IL26: variants seen among roughly 807,000 people sequenced by gnomAD.
The protein encoded by IL26 is interleukin 26, also known as interleukin-26.
A neutral mutation model predicts 21.7 loss-of-function variants in IL26; 23 were observed. The observed-to-expected ratio is 1.06, with a 90% CI of 0.76 to 1.50. The LOEUF (loss-of-function observed/expected upper bound fraction) is 1.50. Among genes scored for constraint, IL26 ranks in the 40% most tolerant of loss-of-function variants. The probability of loss-of-function intolerance (pLI) is 0.00; values close to 1 mark genes in which losing one functional copy is unlikely to be tolerated. For synonymous variants in IL26, 63 were observed against 67.8 expected, an observed-to-expected ratio of 0.93 and a Z score of 0.34; for missense variants, 204 against 196.0, an observed-to-expected ratio of 1.04 and a Z score of -0.24.
chr12:68,217,459 T>C (rs1429912162), intron 3 of IL26, among the ~76,000 whole-genome samples: 1 of 152,206 alleles, frequency 6.6e-6, no homozygotes, highest in African/African-American at 2.4e-5. Context: ...CAACCACTTA[T>C]GTTGAAAGCT....
chr12:68,222,981 CAT>C (rs1284312461), intron 3 of IL26, among the ~76,000 whole-genome samples: 1 of 152,038 alleles, frequency 6.6e-6, no homozygotes, highest in Non-Finnish European at 1.5e-5. Context: ...TTCAGAGATT[CAT>C]AGAGTAGGTG....
chr12:68,202,119 G>A, intron 3 of IL26, 36 bp from the exon 4 acceptor site: 1 of 1,322,716 alleles, frequency 7.6e-7, no homozygotes, highest in South Asian at 1.3e-5. Context: ...TAATATTGTT[G>A]AAGAGGCATT....
intron 3 of IL26, among the ~76,000 whole-genome samples, chr12:68,224,795 A>G (rs1869189106): frequency 6.6e-6 from 1 of 151,128 alleles, no homozygotes; most frequent in Non-Finnish European, 1.5e-5. Context: ...GACTTAGAAT[A>G]GTGTTTGGCA....
rs773889738 is a variant in IL26, at chr12:68,225,218, T to C, written c.294A>G (p.Gln98=). The change falls in exon 3 of 5, where the codon CAA becomes CAG. Residue 98 remains glutamine, a synonymous_variant. Transcript: ENST00000229134. ...AGCGTATTTTCTTGCAGCCTTGCAA[T>C]TGCAGTTGACCAAAAACGTCTTCCA... ...FFMEDVFGQL[Q]LQGCKKIRFV... is the part of the protein sequence containing the mutation. 16 of 1,613,728 alleles carry C rather than the reference T, an allele frequency of 9.9e-6. No homozygotes were observed. The East Asian group carries it at 2.7e-4, about 27-fold the overall frequency.
intron 3 of IL26, among the ~76,000 whole-genome samples, chr12:68,211,946 A>G (rs1325330307): frequency 6.6e-6 from 1 of 151,662 alleles, no homozygotes; most frequent in African/African-American, 2.4e-5. Context: ...TCAAAAAAAA[A>G]TCTCTGCCCA....
chr12:68,224,037 A>ACAC (rs1869147407), intron 3 of IL26, among the ~76,000 whole-genome samples: 1 of 86,632 alleles, frequency 1.2e-5, no homozygotes, highest in African/African-American at 7.3e-5. Context: ...TAAAAAATAA[A>ACAC]CACCCCCCCC....
chr12:68,208,769 C>T (rs1177244279), intron 3 of IL26, among the ~76,000 whole-genome samples: 1 of 151,996 alleles, frequency 6.6e-6, no homozygotes, highest in Non-Finnish European at 1.5e-5. Context: ...CCAAAGTGCT[C>T]GGATTACAGT....
At position 68,223,108 on chromosome 12, in the gene IL26, G is replaced by A. The variant is rs552248125; in HGVS notation, c.363+2041C>T. ...CCAGTTACCTTTTCCCTAAATCAAT[G>A]TCTGCAGTCTTTCTAACGCTCAGGC... On this transcript the variant is annotated intron_variant, in intron 3 of 4. Transcript: ENST00000229134. Among the ~76,000 whole-genome samples the A allele has an allele frequency of 2.6e-5, 4 of 151,994 alleles. No homozygotes were observed. In the East Asian group the frequency reaches 7.7e-4, roughly 29 times the overall value.
At chr12:68,220,480 A>T (rs1200379054) in intron 3 of IL26, among the ~76,000 whole-genome samples, 1 of 152,222 alleles carries the variant, frequency 6.6e-6, no homozygotes, top group African/African-American at 2.4e-5. Flanking sequence ...AAAGGCATTG[A>T]TCTAAATGTG....
chr12:68,212,284 G>A (rs1868755144), intron 3 of IL26, among the ~76,000 whole-genome samples: 1 of 152,014 alleles, frequency 6.6e-6, no homozygotes, highest in African/African-American at 2.4e-5. Flanking sequence ...GGTTACTATA[G>A]CTTTATAGTA....
At chr12:68,222,315 A>G (rs1190432610) in intron 3 of IL26, among the ~76,000 whole-genome samples, 1 of 152,230 alleles carries the variant, frequency 6.6e-6, no homozygotes, top group East Asian at 1.9e-4. Context: ...GGTTTGGGGC[A>G]GAGGAAACTT....
chr12:68,219,231 T>C (rs1282434865), intron 3 of IL26, among the ~76,000 whole-genome samples: 1 of 152,068 alleles, frequency 6.6e-6, no homozygotes, highest in African/African-American at 2.4e-5. Context: ...AGAATACATA[T>C]TCTTTTCAAA....
chr12:68,216,979 T>C (rs1002653741), intron 3 of IL26, among the ~76,000 whole-genome samples: 7 of 152,228 alleles, frequency 4.6e-5, no homozygotes, highest in African/African-American at 1.7e-4. Context: ...CTTTCAAGTC[T>C]GAGAGTATTT....
At chr12:68,220,516 A>C (rs1336939428) in intron 3 of IL26, among the ~76,000 whole-genome samples, 1 of 152,250 alleles carries the variant, frequency 6.6e-6, no homozygotes, top group Non-Finnish European at 1.5e-5. Context: ...AAACTTCTAA[A>C]TGTAAAATTT....
chr12:68,225,787 C>A lies in IL26; in HGVS notation c.-31G>T. The A allele has an allele frequency of 6.2e-7, 1 of 1,608,952 alleles. No individual in the cohort carries two copies. The highest frequency in any genetic ancestry group is 1.1e-5 in the South Asian group (1 of 90,062). On this transcript the variant is annotated 5_prime_UTR_variant, in exon 1 of 5. Coordinates refer to ENST00000229134, the MANE Select transcript of IL26 (RefSeq NM_018402.2). ...TTCACCCCACTCAGCGTGTGTCACT[C>A]ACAGCAGCCCAAGAGATACTAATGC...
intron 3 of IL26, among the ~76,000 whole-genome samples, chr12:68,218,826 G>T (rs1200349249): frequency 6.6e-6 from 1 of 151,820 alleles, no homozygotes; most frequent in African/African-American, 2.4e-5. Context: ...TAAAAGGCAC[G>T]AATATGTTAT....
At chr12:68,215,812 C>T (rs893318060) in intron 3 of IL26, among the ~76,000 whole-genome samples, 1 of 151,932 alleles carries the variant, frequency 6.6e-6, no homozygotes, top group Non-Finnish European at 1.5e-5. Flanking sequence ...GGATTATAGG[C>T]ATGCACCCCA....
intron 4 of IL26, 26 bp from the exon 5 acceptor site, chr12:68,201,957 G>C (rs1868401138): frequency 6.4e-7 from 1 of 1,564,636 alleles, no homozygotes; most frequent in Admixed American, 1.9e-5. Context: ...AGATATAAGA[G>C]AATAAATTTT....
intron 3 of IL26, among the ~76,000 whole-genome samples, chr12:68,221,365 A>G (rs2120471569): frequency 6.6e-6 from 1 of 152,286 alleles, no homozygotes; most frequent in East Asian, 1.9e-4. Flanking sequence ...CATTTGACGA[A>G]TATCCATCAA....
Sources: gnomAD v4.1 joint callset for allele counts (sites outside exome capture counted in the v4.1 genomes callset) on GRCh38, gnomAD v4.1.1 for gene constraint, MANE v1.5 for transcripts, NCBI Gene and HGNC (gene_info 2026-07-23, HGNC 2026-07-21) for gene names.